TNRC6A: variants seen among roughly 807,000 people sequenced by gnomAD.
The protein encoded by TNRC6A is trinucleotide repeat containing adaptor 6A.
Under a neutral mutation model 221.2 loss-of-function variants are expected in TNRC6A, and 44 were observed. The observed-to-expected ratio is 0.20, with a 90% confidence interval of 0.16 to 0.26. The LOEUF is 0.26. Among genes scored for constraint, TNRC6A ranks in the 10% least tolerant of loss-of-function variants. The pLI is 1.00. For missense variants in TNRC6A, 2,199 were observed against 2,404.4 expected (o/e 0.91, Z 1.79); for synonymous variants, 847 against 838.5 (o/e 1.01, Z -0.18).
chr16:24,747,869 T>C (rs1362066285), intron 2 of TNRC6A, among the ~76,000 whole-genome samples: 1 of 151,900 alleles, frequency 6.6e-6, no homozygotes, highest in African/African-American at 2.4e-5. Context: ...GTCTTGAAAA[T>C]GAAGTTTGAG....
intron 1 of TNRC6A, among the ~76,000 whole-genome samples, chr16:24,615,450 AAG>A (rs1481677177): frequency 1.3e-5 from 2 of 152,166 alleles, no homozygotes; most frequent in African/African-American, 2.4e-5. Flanking sequence ...AGAGAGTGTA[AAG>A]AGAGAAATCA....
intron 4 of TNRC6A, 91 bp from the exon 5 acceptor site, chr16:24,776,842 T>G: frequency 6.6e-7 from 1 of 1,519,656 alleles, no homozygotes; most frequent in Non-Finnish European, 8.8e-7. Context: ...TTAGGATTAT[T>G]TTTCTTAGTG....
intron 3 of TNRC6A, among the ~76,000 whole-genome samples, 178 bp downstream of exon 3, chr16:24,750,991 T>G (rs2057124631): frequency 6.6e-6 from 1 of 152,206 alleles, no homozygotes; most frequent in South Asian, 2.1e-4. Flanking sequence ...TTTGTACAAT[T>G]TAATGCATAT....
intron 2 of TNRC6A, among the ~76,000 whole-genome samples, chr16:24,651,979 G>T (rs979868678): frequency 6.6e-6 from 1 of 151,280 alleles, no homozygotes; most frequent in African/African-American, 2.4e-5. Context: ...ATGATGGATA[G>T]ATAGAGACAC....
intron 4 of TNRC6A, among the ~76,000 whole-genome samples, chr16:24,775,522 C>G (rs1411386566): frequency 6.6e-6 from 1 of 152,134 alleles, no homozygotes. Context: ...GAGGCTAGAG[C>G]TGAGAGTGTG....
chr16:24,706,127 G>A (rs2056088433), intron 2 of TNRC6A, among the ~76,000 whole-genome samples: 1 of 152,140 alleles, frequency 6.6e-6, no homozygotes, highest in Non-Finnish European at 1.5e-5. Flanking sequence ...CAACAAAAAT[G>A]TAGGAAAATG....
chr16:24,763,500 T>G (rs1285822161), intron 4 of TNRC6A, among the ~76,000 whole-genome samples: 1 of 152,196 alleles, frequency 6.6e-6, no homozygotes, highest in African/African-American at 2.4e-5. Context: ...ACCTCTTTAC[T>G]TTTTCTTTCA....
chr16:24,654,890 T>C (rs1902878902), intron 2 of TNRC6A, among the ~76,000 whole-genome samples: 1 of 152,172 alleles, frequency 6.6e-6, no homozygotes, highest in Admixed American at 6.5e-5. Flanking sequence ...GACAGAATAT[T>C]ATTTCACGGT....
intron 4 of TNRC6A, among the ~76,000 whole-genome samples, chr16:24,768,179 C>T (rs1285861134): frequency 6.6e-6 from 1 of 152,106 alleles, no homozygotes; most frequent in East Asian, 1.9e-4. Flanking sequence ...TGCCTGTAAT[C>T]CCAGCACTTT....
At chr16:24,641,452 G>C (rs1287258959) in intron 2 of TNRC6A, among the ~76,000 whole-genome samples, 1 of 152,170 alleles carries the variant, frequency 6.6e-6, no homozygotes, top group African/African-American at 2.4e-5. Flanking sequence ...AAGAGGAAGA[G>C]CTGGTAGGAG....
chr16:24,666,342 A>G (rs1051748455), intron 2 of TNRC6A, among the ~76,000 whole-genome samples: 4 of 151,648 alleles, frequency 2.6e-5, no homozygotes, highest in Admixed American at 2.0e-4. Context: ...GCGTGGTGGC[A>G]GGTGCCTGTA....
At chr16:24,679,985 A>G (rs887132272) in intron 2 of TNRC6A, among the ~76,000 whole-genome samples, 17 of 152,322 alleles carry the variant, frequency 1.1e-4, no homozygotes, top group Admixed American at 7.8e-4. Flanking sequence ...ACAACTTAAC[A>G]CATTACATGT....
intron 12 of TNRC6A, 115 bp from the exon 13 acceptor site, chr16:24,804,590 C>T (rs2058392781): frequency 7.0e-7 from 1 of 1,429,344 alleles, no homozygotes; most frequent in South Asian, 1.5e-5. Flanking sequence ...TGTTTTCTAC[C>T]TGTTTCCTGT....
chr16:24,705,394 C>T (rs374941998), intron 2 of TNRC6A, among the ~76,000 whole-genome samples: 38 of 151,848 alleles, frequency 2.5e-4, no homozygotes, highest in African/African-American at 5.3e-4. Context: ...TGCAGTGGCA[C>T]GATCTCAGCT....
intron 4 of TNRC6A, among the ~76,000 whole-genome samples, chr16:24,767,605 T>C (rs1054937997): frequency 2.0e-5 from 3 of 152,184 alleles, no homozygotes; most frequent in African/African-American, 7.2e-5. Context: ...ATTTAGAAAA[T>C]AGTTTGCCCA....
intron 2 of TNRC6A, among the ~76,000 whole-genome samples, chr16:24,742,396 A>G (rs562507348): frequency 6.6e-6 from 1 of 152,292 alleles, no homozygotes; most frequent in South Asian, 2.1e-4. Flanking sequence ...GTTTGAATAG[A>G]TTGGAATTGA....
chr16:24,692,046 A>C (rs1257751525), intron 2 of TNRC6A, among the ~76,000 whole-genome samples: 3 of 152,236 alleles, frequency 2.0e-5, no homozygotes, highest in African/African-American at 7.2e-5. Flanking sequence ...GGAGCGAGGC[A>C]ACACAAGTCA....
intron 2 of TNRC6A, among the ~76,000 whole-genome samples, chr16:24,695,018 T>C (rs150310261): frequency 1.3e-5 from 2 of 152,290 alleles, no homozygotes; most frequent in African/African-American, 4.8e-5. Flanking sequence ...TGTTGGGCTG[T>C]TGGGGCCCTG....
At chr16:24,662,037 G>A (rs1454285771) in intron 2 of TNRC6A, 3 of 152,070 alleles carry the variant, frequency 2.0e-5, no homozygotes. Context: ...CTCCAACCTG[G>A]GCAATGGAGT....
Sources: allele counts gnomAD v4.1 joint callset (sites outside exome capture counted in the v4.1 genomes callset), GRCh38; gene constraint gnomAD v4.1.1; transcripts MANE v1.5; gene names NCBI Gene and HGNC (gene_info 2026-07-23, HGNC 2026-07-21).